PLAC9: variants seen among roughly 807,000 people sequenced by gnomAD.
PLAC9 encodes the protein placenta associated 9.
In PLAC9, 12 loss-of-function variants were observed where a neutral mutation model predicts 11.5. The observed-to-expected ratio is 1.05, with a 90% CI of 0.67 to 1.69. PLAC9 has a LOEUF of 1.69. Among genes scored for constraint, PLAC9 ranks in the 40% most tolerant of loss-of-function variants. The pLI, the probability that PLAC9 is intolerant of heterozygous loss-of-function variation, is 0.00. For synonymous variants in PLAC9, 62 were observed against 58.1 expected, an observed-to-expected ratio of 1.07 and a Z score of -0.31; for missense variants, 132 against 130.5, an observed-to-expected ratio of 1.01 and a Z score of -0.06.
At chr10:80,141,707 T>C (rs1355498273) in intron 1 of PLAC9, among the ~76,000 whole-genome samples, 2 of 152,146 alleles carry the variant, frequency 1.3e-5, no homozygotes, top group Non-Finnish European at 2.9e-5. Flanking sequence ...GACTTCCCTC[T>C]CCAGTCTCTC....
chr10:80,144,919 G>A lies in PLAC9; in HGVS notation c.*9G>A. On this transcript the variant is annotated 3_prime_UTR_variant, in exon 4 of 4. Coordinates refer to ENST00000372263, the MANE Select transcript of PLAC9 (RefSeq NM_001012973.3). ...TTTCAGATGGCTTCTGAGCCCTGGA[G>A]CTGGAGCCCAGCAGTTGGAGGTGGT... is the stretch of plus-strand genomic sequence containing the variant. The A allele has an allele frequency of 6.4e-7, 1 of 1,573,752 alleles. No individual in the cohort carries two copies. Among genetic ancestry groups the A allele is most frequent in the Non-Finnish European group, 8.6e-7 (1 of 1,158,748 alleles).
At chr10:80,134,498 A>G (rs1311221188) in intron 1 of PLAC9, among the ~76,000 whole-genome samples, 1 of 152,128 alleles carries the variant, frequency 6.6e-6, no homozygotes, top group Admixed American at 6.5e-5. Context: ...TCCTGGGCTC[A>G]AGTGATCCAC....
intron 1 of PLAC9, among the ~76,000 whole-genome samples, chr10:80,135,004 T>C (rs1398676393): frequency 7.1e-6 from 1 of 140,448 alleles, no homozygotes; most frequent in Non-Finnish European, 1.6e-5. Flanking sequence ...CAACCTTGGT[T>C]TGTTTGTTTG....
Position 80,142,153 on chromosome 10 carries a change from C to T in PLAC9, c.136C>T (p.Gln46Ter). The T allele has an allele frequency of 6.2e-7, 1 of 1,609,550 alleles. No individual in the cohort carries two copies. Among genetic ancestry groups the T allele is most frequent in the Non-Finnish European group, 8.5e-7 (1 of 1,176,432 alleles). Residue 46 changes from glutamine (Q) to a stop codon, truncating the protein, a stop_gained, in exon 2 of 4, where the codon CAA (glutamine) becomes TAA (stop). Coordinates refer to ENST00000372263, the MANE Select transcript of PLAC9 (RefSeq NM_001012973.3). LOFTEE classifies it high-confidence loss of function. ...STACDRHMAV[Q>*]RRLDVMEEMV... ...AGCGTGTGACAGACACATGGCTGTG[C>T]AACGCCGTCTAGATGTCATGGAGGA...
At chr10:80,132,966 G>C in intron 1 of PLAC9, 140 bp downstream of exon 1, 3 of 679,120 alleles carry the variant, frequency 4.4e-6, no homozygotes, top group Non-Finnish European at 6.7e-6. Context: ...GGGAGGGAGG[G>C]ATGGAGAGAA....
At chr10:80,144,865 C>T (rs1317193847) in intron 3 of PLAC9, 35 bp from the exon 4 acceptor site, 21 of 1,558,036 alleles carry the variant, frequency 1.3e-5, no homozygotes, top group African/African-American at 2.7e-5. Flanking sequence ...TGCGGCACCC[C>T]AGCTTGCTCA....
Position 80,132,751 on chromosome 10 carries a change from C to A in PLAC9, c.-12C>A. The A allele has an allele frequency of 6.9e-7, 1 of 1,454,100 alleles. No individual in the cohort carries two copies. The highest frequency in any genetic ancestry group is 1.4e-5 in the South Asian group (1 of 73,200). 90.1% of individuals were successfully genotyped at this position (1,454,100 alleles called of 1,614,324 possible). ...GGGCAGACGCGGCGCTGCGCTCGGC[C>A]AGGCCGGCACCATGCGGCCCCTGCT... On this transcript the variant is annotated 5_prime_UTR_variant, in exon 1 of 4. Coordinates refer to ENST00000372263, the MANE Select transcript of PLAC9 (RefSeq NM_001012973.3).
intron 1 of PLAC9, among the ~76,000 whole-genome samples, chr10:80,140,396 G>A (rs1163702919): frequency 6.6e-6 from 1 of 152,120 alleles, no homozygotes; most frequent in Non-Finnish European, 1.5e-5. Context: ...AAAAGTGCTG[G>A]GGTGAAATTT....
At chr10:80,136,190 G>T (rs1284190281) in intron 1 of PLAC9, among the ~76,000 whole-genome samples, 2 of 152,170 alleles carry the variant, frequency 1.3e-5, no homozygotes, top group Admixed American at 6.5e-5. Flanking sequence ...ACAGCAGCGT[G>T]TTCTCACCAG....
At chr10:80,141,087 C>T (rs188238344) in intron 1 of PLAC9, among the ~76,000 whole-genome samples, 203 of 152,302 alleles carry the variant, frequency 1.3e-3, no homozygotes, top group African/African-American at 4.8e-3. Context: ...CACATGCCAG[C>T]TGTTACTAAC....
At chr10:80,142,005 G>A in intron 1 of PLAC9, 77 bp from the exon 2 acceptor site, 1 of 1,244,914 alleles carries the variant, frequency 8.0e-7, no homozygotes, top group South Asian at 1.4e-5. Flanking sequence ...GACCTCATTT[G>A]AGCCCAGTGT....
intron 1 of PLAC9, among the ~76,000 whole-genome samples, chr10:80,135,983 C>CAGTG (rs1844971000): frequency 6.6e-6 from 1 of 152,216 alleles, no homozygotes; most frequent in Admixed American, 6.5e-5. Flanking sequence ...GAAAACATTT[C>CAGTG]TCAACCCCCA....
upstream of PLAC9, chr10:80,132,729 C>A (rs1241409645): frequency 1.4e-6 from 2 of 1,442,710 alleles, no homozygotes; most frequent in East Asian, 3.0e-5. Context: ...CGGCTGCGGG[C>A]AGACGCGGCG....
chr10:80,144,163 C>A, intron 2 of PLAC9, 60 bp from the exon 3 acceptor site: 1 of 1,612,378 alleles, frequency 6.2e-7, no homozygotes, highest in African/African-American at 1.3e-5. Flanking sequence ...TAGGACCTAG[C>A]TGATGAAGCG....
intron 2 of PLAC9, 159 bp from the exon 3 acceptor site, chr10:80,144,064 G>A: frequency 4.3e-6 from 4 of 936,724 alleles, no homozygotes; most frequent in Non-Finnish European, 5.0e-6. Context: ...ACTGAGGCAG[G>A]TAGGGGCAGA....
Position 80,135,014 on chromosome 10 carries a change from G to GTTTATTTATTTA in PLAC9, c.64+2200_64+2211dup, listed in dbSNP as rs56271386. On this transcript the variant is annotated intron_variant, in intron 1 of 3. Transcript: ENST00000372263. ...ACTTCCAACCTTGGTTTGTTTGTTTGTTTATTTATTTATTTATTTATTTGA... is the reference window on the plus strand; with the variant it reads ...ACTTCCAACCTTGGTTTGTTTGTTTGTTTATTTATTTATTTATTTATTTATTTATTTATTTGA... Among the ~76,000 whole-genome samples the GTTTATTTATTTA allele has an allele frequency of 9.4e-3, 1,406 of 149,450 alleles. 10 individuals are homozygous for GTTTATTTATTTA. Among genetic ancestry groups the GTTTATTTATTTA allele is most frequent in the East Asian group, 0.029 (145 of 5,028 alleles).
At chr10:80,132,243 A>T (rs1844920688), upstream of PLAC9, among the ~76,000 whole-genome samples, 1 of 152,192 alleles carries the variant, frequency 6.6e-6, no homozygotes, top group Non-Finnish European at 1.5e-5. Context: ...AGGGGCAGAC[A>T]CTGTTCCATG....
At chr10:80,134,018 A>T (rs1270923688) in intron 1 of PLAC9, among the ~76,000 whole-genome samples, 1 of 151,824 alleles carries the variant, frequency 6.6e-6, no homozygotes, top group African/African-American at 2.4e-5. Flanking sequence ...GATTTCATAT[A>T]TTTTTGTGCA....
At chr10:80,132,928 C>A in intron 1 of PLAC9, 102 bp downstream of exon 1, 2 of 978,954 alleles carry the variant, frequency 2.0e-6, no homozygotes, top group Non-Finnish European at 2.8e-6. Context: ...CTGGACACAG[C>A]AGCGAGATGG....
Sources: allele counts gnomAD v4.1 joint callset (sites outside exome capture counted in the v4.1 genomes callset), GRCh38; gene constraint gnomAD v4.1.1; transcripts MANE v1.5; gene names NCBI Gene and HGNC (gene_info 2026-07-23, HGNC 2026-07-21).